Variants in CDH13 observed in about 807,000 individuals in gnomAD.
CDH13 encodes cadherin-13.
A neutral mutation model predicts 63.8 loss-of-function variants in CDH13; 24 were observed. That is an observed-to-expected ratio of 0.38 (90% CI 0.27 to 0.53). The LOEUF is 0.53. Ranked by LOEUF, CDH13 falls within the 20% of genes least tolerant of loss-of-function variation. CDH13 has a pLI of 0.85. For missense variants in CDH13, 1,049 were observed against 903.1 expected, an observed-to-expected ratio of 1.16 and a Z score of -2.07; for synonymous variants, 503 against 355.3, an observed-to-expected ratio of 1.42 and a Z score of -4.67.
intron 7 of CDH13, among the ~76,000 whole-genome samples, chr16:83,511,070 A>G (rs1439045367): frequency 1.4e-5 from 1 of 69,320 alleles, no homozygotes. Flanking sequence ...AGACACGCAC[A>G]CACATGCACG....
chr16:83,103,952 A>T (rs2034639596), intron 3 of CDH13, among the ~76,000 whole-genome samples: 1 of 152,206 alleles, frequency 6.6e-6, no homozygotes, highest in African/African-American at 2.4e-5. Context: ...CCTGTGGGGC[A>T]AGTTCACAGA....
chr16:82,910,695 G>A (rs192730516), intron 2 of CDH13, among the ~76,000 whole-genome samples: 166 of 152,270 alleles, frequency 1.1e-3, no homozygotes, highest in Non-Finnish European at 1.8e-3. Context: ...GTACTTATTG[G>A]TGGCCATGTG....
At chr16:83,003,222 A>G (rs1913121503) in intron 2 of CDH13, among the ~76,000 whole-genome samples, 1 of 152,176 alleles carries the variant, frequency 6.6e-6, no homozygotes, top group Non-Finnish European at 1.5e-5. Context: ...CAATGCAAAT[A>G]TATTTTGAGC....
intron 4 of CDH13, among the ~76,000 whole-genome samples, chr16:83,147,669 G>C (rs1347541562): frequency 6.6e-6 from 1 of 152,060 alleles, no homozygotes; most frequent in African/African-American, 2.4e-5. Context: ...TTATGGGAAA[G>C]GGACAACTCA....
chr16:83,523,184 C>T (rs185414783), intron 7 of CDH13, among the ~76,000 whole-genome samples: 11 of 152,268 alleles, frequency 7.2e-5, no homozygotes, highest in Non-Finnish European at 1.2e-4. Context: ...CCTCTCTACC[C>T]ACAAATAATG....
chr16:82,666,468 T>C (rs1912598015), intron 1 of CDH13, among the ~76,000 whole-genome samples: 1 of 152,222 alleles, frequency 6.6e-6, no homozygotes, highest in Non-Finnish European at 1.5e-5. Flanking sequence ...CATACTTGAA[T>C]ACTTGGTGGG....
intron 3 of CDH13, among the ~76,000 whole-genome samples, chr16:83,082,513 A>G (rs1057343476): frequency 1.8e-4 from 28 of 152,220 alleles, no homozygotes; most frequent in Non-Finnish European, 2.9e-4. Context: ...GGTACCTGTA[A>G]TCCAAACTAT....
intron 8 of CDH13, among the ~76,000 whole-genome samples, chr16:83,667,419 T>TCCATCCATCCACCACCCAC (rs1914092596): frequency 6.6e-6 from 1 of 151,738 alleles, no homozygotes; most frequent in African/African-American, 2.4e-5. Context: ...CACCTACCCA[T>TCCATCCATCCACCACCCAC]CCATCCATCC....
intron 10 of CDH13, among the ~76,000 whole-genome samples, chr16:83,724,368 G>A (rs913319068): frequency 6.6e-6 from 1 of 151,666 alleles, no homozygotes; most frequent in Non-Finnish European, 1.5e-5. Flanking sequence ...ATGGGTGGGG[G>A]ATGAATGCAT....
At chr16:83,091,352 A>T (rs1346311812) in intron 3 of CDH13, among the ~76,000 whole-genome samples, 1 of 152,214 alleles carries the variant, frequency 6.6e-6, no homozygotes, top group East Asian at 1.9e-4. Flanking sequence ...AGTCAGTAGT[A>T]GGAGGCATAT....
At chr16:83,310,607 C>T (rs1039383581) in intron 5 of CDH13, among the ~76,000 whole-genome samples, 3 of 152,222 alleles carry the variant, frequency 2.0e-5, no homozygotes, top group Middle Eastern at 3.2e-3. Context: ...CCAGCTCCCA[C>T]CTTTCTGCCT....
At chr16:83,002,312 C>G (rs962675812) in intron 2 of CDH13, among the ~76,000 whole-genome samples, 1 of 152,154 alleles carries the variant, frequency 6.6e-6, no homozygotes, top group African/African-American at 2.4e-5. Flanking sequence ...CATATGAATA[C>G]GGAGGCAACT....
chr16:83,634,135 ATG>A (rs35109001), intron 8 of CDH13, among the ~76,000 whole-genome samples: 6 of 104,398 alleles, frequency 5.7e-5, no homozygotes, highest in African/African-American at 2.3e-4. Context: ...GTGTGTGTGT[ATG>A]TGTGTGTGTG....
intron 2 of CDH13, among the ~76,000 whole-genome samples, chr16:82,930,041 T>C (rs1454723129): frequency 1.3e-5 from 1 of 76,780 alleles, no homozygotes; most frequent in Admixed American, 1.1e-4. Context: ...GTTTGTCTCT[T>C]TTTTTTTTTT....
intron 3 of CDH13, among the ~76,000 whole-genome samples, chr16:83,054,496 C>T (rs77427913): frequency 0.047 from 7,209 of 152,220 alleles, 285 homozygotes; most frequent in Admixed American, 0.13. Context: ...ATACACCGGA[C>T]AAAGCCATGA....
intron 1 of CDH13, among the ~76,000 whole-genome samples, chr16:82,763,159 C>T (rs1242553217): frequency 6.6e-6 from 1 of 152,188 alleles, no homozygotes; most frequent in East Asian, 1.9e-4. Context: ...TGACCTGCCC[C>T]ACCCAGTATC....
chr16:83,482,925 C>T (rs961553291), intron 6 of CDH13, among the ~76,000 whole-genome samples: 1 of 152,200 alleles, frequency 6.6e-6, no homozygotes, highest in African/African-American at 2.4e-5. Context: ...AGGCCTTTGC[C>T]TGCACTGCCA....
intron 3 of CDH13, among the ~76,000 whole-genome samples, chr16:83,077,985 C>G (rs552693033): frequency 9.9e-4 from 151 of 152,164 alleles, no homozygotes; most frequent in Non-Finnish European, 3.5e-4. Flanking sequence ...CTGTTCTGTT[C>G]TGTTCCTTAA....
intron 4 of CDH13, among the ~76,000 whole-genome samples, chr16:83,134,058 A>G (rs563214654): frequency 9.8e-5 from 15 of 152,356 alleles, no homozygotes; most frequent in East Asian, 7.7e-4. Flanking sequence ...TGTTGTTAGA[A>G]TGGAATTAAT....
Sources: allele counts gnomAD v4.1 joint callset (sites outside exome capture counted in the v4.1 genomes callset), GRCh38; gene constraint gnomAD v4.1.1; transcripts MANE v1.5; gene names NCBI Gene and HGNC (gene_info 2026-07-23, HGNC 2026-07-21).